NFATC2: variants seen among roughly 807,000 people sequenced by gnomAD.
NFATC2 encodes nuclear factor of activated T cells 2, also known as nuclear factor of activated T-cells, cytoplasmic 2.
In NFATC2, 22 loss-of-function variants were observed where a neutral mutation model predicts 87.3. That is an observed-to-expected ratio of 0.25 (90% CI 0.18 to 0.36). NFATC2 has a LOEUF of 0.36. Among genes scored for constraint, NFATC2 ranks in the 10% least tolerant of loss-of-function variants. The probability of loss-of-function intolerance (pLI) is 1.00; values close to 1 mark genes in which losing one functional copy is unlikely to be tolerated. For synonymous variants in NFATC2, 565 were observed against 542.2 expected (o/e 1.04, Z -0.58); for missense variants, 1,149 against 1,259.1 (o/e 0.91, Z 1.32).
Position 51,432,852 on chromosome 20 carries a change from G to C in NFATC2, c.2033-96C>G. Reference sequence around the variant, plus strand: ...ATGGTGCTTGAGAACATGGCCTTGGGAGTCCATACGGGTGGGACAAACAGC... The same window carrying C: ...ATGGTGCTTGAGAACATGGCCTTGGCAGTCCATACGGGTGGGACAAACAGC... On this transcript the variant is annotated intron_variant, in intron 8 of 10. Transcript: ENST00000371564. This position sits in a 1 kb window ranked among gnomAD's most constrained non-coding sequence, Gnocchi z 4.6. 9.0e-7 allele frequency: 1 copy of C among 1,107,736 alleles called. No individual in the cohort carries two copies. The highest frequency in any genetic ancestry group is 1.2e-6 in the Non-Finnish European group (1 of 818,980). The allele number at this position is 1,107,736 out of a possible 1,614,324, so 68.6% of individuals were successfully genotyped here. A position where few individuals can be genotyped will look rare whatever the true frequency, so the allele number is the denominator to read the frequency against.
chr20:51,553,675 CAAAAAAA>C (rs35610887), intron 1 of NFATC2, among the ~76,000 whole-genome samples: 3 of 104,858 alleles, frequency 2.9e-5, no homozygotes, highest in African/African-American at 1.2e-4. Context: ...GACTCCATCT[CAAAAAAA>C]AAAAAAAAAA....
At position 51,488,468 on chromosome 20, in the gene NFATC2, A is replaced by G. The variant is rs547295209; in HGVS notation, c.1333-12808T>C. Among the ~76,000 whole-genome samples, 96 of 152,306 alleles carry G rather than the reference A, an allele frequency of 6.3e-4. 1 individual carries two copies. The highest frequency in any genetic ancestry group is 5.7e-3 in the Admixed American group (88 of 15,310). On this transcript the variant is annotated intron_variant, in intron 3 of 10. Coordinates refer to ENST00000371564, the MANE Select transcript of NFATC2 (RefSeq NM_012340.5). ...CATCACTGGACTCTACCCAGTAGGTAGCAGCAGCCACCCTTTTCCCAACTG... is the reference window on the plus strand; with the variant it reads ...CATCACTGGACTCTACCCAGTAGGTGGCAGCAGCCACCCTTTTCCCAACTG...
At chr20:51,476,693 T>C (rs1245674041) in intron 3 of NFATC2, among the ~76,000 whole-genome samples, 5 of 152,214 alleles carry the variant, frequency 3.3e-5, no homozygotes, top group East Asian at 1.9e-4. Flanking sequence ...GCTTGGCACA[T>C]AGTAGGCATT....
chr20:51,562,690 A>T, upstream of NFATC2: 2 of 1,470,494 alleles, frequency 1.4e-6, no homozygotes, highest in South Asian at 2.5e-5. The surrounding 1 kb of genome is among the most constrained non-coding windows in gnomAD (Gnocchi z 5.8). Flanking sequence ...ATCGACCAGC[A>T]GCCGAGGGGA....
rs1982193786 is a variant in NFATC2, at chr20:51,428,499, G to A, written c.2722+3568C>T. Among the ~76,000 whole-genome samples, 3 of 152,186 alleles carry A rather than the reference G, an allele frequency of 2.0e-5. No individual in the cohort carries two copies. The South Asian group carries it at 6.2e-4, about 31-fold the overall frequency. Reference sequence around the variant, plus strand: ...CCTTGGTGTTCCAAGAACAAACGGGGCCAAGCCAGCCGGCGTCTGTGTGCA... The same window carrying A: ...CCTTGGTGTTCCAAGAACAAACGGGACCAAGCCAGCCGGCGTCTGTGTGCA... On this transcript the variant is annotated intron_variant, in intron 9 of 10. Transcript: ENST00000371564.
At chr20:51,397,785 CT>C (rs1422944550) in intron 10 of NFATC2, among the ~76,000 whole-genome samples, 1 of 152,156 alleles carries the variant, frequency 6.6e-6, no homozygotes, top group Non-Finnish European at 1.5e-5. Flanking sequence ...GTCAGCTCCC[CT>C]GGGTGTACTA....
intron 10 of NFATC2, among the ~76,000 whole-genome samples, chr20:51,396,062 A>AAGC (rs1234733922): frequency 6.7e-5 from 1 of 15,030 alleles, no homozygotes; most frequent in Non-Finnish European, 1.1e-4. Context: ...ATATATATAT[A>AAGC]TATATATATA....
At chr20:51,441,921 T>C (rs1984403999) in intron 6 of NFATC2, among the ~76,000 whole-genome samples, 1 of 152,154 alleles carries the variant, frequency 6.6e-6, no homozygotes, top group South Asian at 2.1e-4. Context: ...CTGACCCAAG[T>C]GCTTTGGTGG....
rs568361128 is a variant in NFATC2, at chr20:51,452,153, C to A, written c.1849+2395G>T. ...AAGCAACGCTACTCCTCAGCTCACTCCTCAACTCACTGCCACCTGGGTACG... is the reference window on the plus strand; with the variant it reads ...AAGCAACGCTACTCCTCAGCTCACTACTCAACTCACTGCCACCTGGGTACG... On this transcript the variant is annotated intron_variant, in intron 6 of 10. Coordinates refer to ENST00000371564, the MANE Select transcript of NFATC2 (RefSeq NM_012340.5). Among the ~76,000 whole-genome samples the A allele has an allele frequency of 2.0e-5, 3 of 152,226 alleles. No homozygotes were observed. The South Asian group carries it at 6.2e-4, about 32-fold the overall frequency.
chr20:51,404,193 TC>T (rs1331679728), intron 9 of NFATC2, among the ~76,000 whole-genome samples: 2 of 152,152 alleles, frequency 1.3e-5, no homozygotes, highest in African/African-American at 4.8e-5. Flanking sequence ...CTCCTCCCTT[TC>T]TCAGCTGTCC....
chr20:51,537,196 T>A (rs2076734756), intron 1 of NFATC2, among the ~76,000 whole-genome samples: 1 of 133,446 alleles, frequency 7.5e-6, no homozygotes, highest in Non-Finnish European at 1.6e-5. Context: ...AGAAATGACA[T>A]CAAAAGCACG....
chr20:51,467,066 T>C lies in NFATC2; in HGVS notation c.1708+6914A>G, dbSNP rs1398098632. Among the ~76,000 whole-genome samples, 7 of 113,322 alleles carry C rather than the reference T, an allele frequency of 6.2e-5. No individual in the cohort carries two copies. In the East Asian group the frequency reaches 1.7e-3, roughly 27 times the overall value. The allele number at this position is 113,322 out of a possible 152,430, so 74.3% of individuals were successfully genotyped here. On this transcript the variant is annotated intron_variant, in intron 5 of 10. Transcript: ENST00000371564. Reference sequence around the variant, plus strand: ...CAGCCTGAGCAACAAGAGCGAGACTTAGTCTCAAAAAAAAAAAAAAAAAAG... The same window carrying C: ...CAGCCTGAGCAACAAGAGCGAGACTCAGTCTCAAAAAAAAAAAAAAAAAAG...
chr20:51,515,084 C>T (rs1007049890), intron 3 of NFATC2, among the ~76,000 whole-genome samples: 2 of 152,160 alleles, frequency 1.3e-5, no homozygotes, highest in African/African-American at 4.8e-5. Flanking sequence ...CTGAAATAAT[C>T]CTGGATTCCT....
chr20:51,562,692 C>G (rs1201580112), upstream of NFATC2: 1 of 1,466,846 alleles, frequency 6.8e-7, no homozygotes, highest in East Asian at 2.5e-5. The surrounding 1 kb of genome is among the most constrained non-coding windows in gnomAD (Gnocchi z 5.8). Context: ...CGACCAGCAG[C>G]CGAGGGGACG....
chr20:51,457,322 G>C (rs946769827), intron 5 of NFATC2, among the ~76,000 whole-genome samples: 2 of 152,228 alleles, frequency 1.3e-5, no homozygotes, highest in Non-Finnish European at 2.9e-5. Context: ...CAGGTGGAAA[G>C]CCTGAGTCAT....
intron 3 of NFATC2, among the ~76,000 whole-genome samples, chr20:51,496,389 C>T (rs56226521): frequency 0.015 from 2,223 of 152,082 alleles, 58 homozygotes; most frequent in African/African-American, 0.051. Context: ...CTCTGCACAC[C>T]CCTGAAGCCT....
intron 6 of NFATC2, among the ~76,000 whole-genome samples, chr20:51,442,071 A>G (rs1984416512): frequency 6.6e-6 from 1 of 152,214 alleles, no homozygotes; most frequent in Admixed American, 6.5e-5. Flanking sequence ...AAATCAGTAG[A>G]AGAGCACTGG....
intron 3 of NFATC2, among the ~76,000 whole-genome samples, chr20:51,498,824 G>T (rs1460621884): frequency 6.6e-6 from 1 of 152,230 alleles, no homozygotes; most frequent in African/African-American, 2.4e-5. Flanking sequence ...ATGATGGCAG[G>T]AGAGAAAGGG....
chr20:51,425,683 T>A (rs6021197), intron 9 of NFATC2, among the ~76,000 whole-genome samples: 2 of 152,120 alleles, frequency 1.3e-5, no homozygotes, highest in Non-Finnish European at 2.9e-5. Context: ...CCTGAACTGC[T>A]GAACAAAGCA....
Sources: gnomAD v4.1 joint callset for allele counts (sites outside exome capture counted in the v4.1 genomes callset) on GRCh38, gnomAD v4.1.1 for gene constraint, Gnocchi (gnomAD v3.1) non-coding constraint, MANE v1.5 for transcripts, NCBI Gene and HGNC (gene_info 2026-07-23, HGNC 2026-07-21) for gene names.